Variants in GBF1 observed in about 807,000 individuals in gnomAD.
GBF1 encodes the protein golgi brefeldin A resistant guanine nucleotide exchange factor 1, also known as Golgi-specific brefeldin A-resistance guanine nucleotide exchange factor 1.
A neutral mutation model predicts 210.5 loss-of-function variants in GBF1; 114 were observed. The observed-to-expected ratio is 0.54, with a 90% CI of 0.47 to 0.63. GBF1 has a LOEUF of 0.63. GBF1 is among the 30% of genes least tolerant of loss of function. The pLI, the probability that GBF1 is intolerant of heterozygous loss-of-function variation, is 0.00. For synonymous variants in GBF1, 850 were observed against 889.2 expected (o/e 0.96, Z 0.78); for missense variants, 1,851 against 2,357.7 (o/e 0.79, Z 4.45).
rs181642412 is a variant in GBF1, at chr10:102,316,802, C to A, written c.164-27249C>A. ...TCTGTAAGCAAGACTTTGGATTATT[C>A]TTCTTTGTATATCCAATGGCTAGCA... On this transcript the variant is annotated intron_variant, in intron 3 of 39. Coordinates refer to ENST00000369983, the MANE Select transcript of GBF1 (RefSeq NM_001377137.1). Among the ~76,000 whole-genome samples, 101 of 152,282 alleles carry A rather than the reference C, an allele frequency of 6.6e-4. No individual in the cohort carries two copies. The South Asian group carries it at 7.1e-3, about 11-fold the overall frequency.
intron 14 of GBF1, among the ~76,000 whole-genome samples, chr10:102,362,144 C>T (rs566557490): frequency 6.7e-6 from 1 of 149,816 alleles, no homozygotes; most frequent in East Asian, 2.0e-4. Context: ...GCAAGCTCCA[C>T]CTCCCGGGTT....
intron 3 of GBF1, among the ~76,000 whole-genome samples, chr10:102,283,954 A>G (rs2075729795): frequency 1.3e-5 from 2 of 152,238 alleles, no homozygotes; most frequent in Admixed American, 1.3e-4. Flanking sequence ...AAAGAAGCTT[A>G]GGTTCAGTGA....
intron 3 of GBF1, among the ~76,000 whole-genome samples, chr10:102,335,837 C>T (rs1475192670): frequency 2.0e-5 from 3 of 152,164 alleles, no homozygotes; most frequent in African/African-American, 7.2e-5. Flanking sequence ...CCTGTTCTTT[C>T]TCTGATACCT....
upstream of GBF1, among the ~76,000 whole-genome samples, chr10:102,244,473 A>G (rs917701904): frequency 3.9e-4 from 59 of 152,170 alleles, no homozygotes; most frequent in African/African-American, 1.4e-3. Context: ...GTAATTCTAA[A>G]TAGCTTAGTA....
chr10:102,380,226 T>G, intron 36 of GBF1, 23 bp from the exon 37 acceptor site: 1 of 1,520,162 alleles, frequency 6.6e-7, no homozygotes, highest in Non-Finnish European at 9.1e-7. Flanking sequence ...TCCCCTCAGC[T>G]GAAGGGGGCT....
intron 21 of GBF1, among the ~76,000 whole-genome samples, chr10:102,367,779 G>A (rs1256597934): frequency 6.6e-6 from 1 of 152,142 alleles, no homozygotes; most frequent in Non-Finnish European, 1.5e-5. Flanking sequence ...CCAAAGTGCT[G>A]CTCTTAAGTA....
intron 3 of GBF1, among the ~76,000 whole-genome samples, chr10:102,305,519 A>G (rs1385291253): frequency 6.6e-6 from 1 of 152,128 alleles, no homozygotes; most frequent in Non-Finnish European, 1.5e-5. Context: ...CTGAGGCAGG[A>G]GAATCACTTG....
chr10:102,232,813 T>C, the GBF1 span, among the ~76,000 whole-genome samples: 1 of 152,242 alleles, frequency 6.6e-6, no homozygotes, highest in Admixed American at 6.5e-5. Flanking sequence ...CAGCCAATCA[T>C]ACCTGAGACA....
In GBF1 at chr10:102,367,571, A is replaced by T. The variant is rs752236056; in HGVS notation, c.2642+11A>T. 1 of 1,392,080 alleles carries T rather than the reference A, an allele frequency of 7.2e-7. No homozygotes were observed. The highest frequency in any genetic ancestry group is 1.7e-5 in the Admixed American group (1 of 59,790). 86.2% of individuals were successfully genotyped at this position (1,392,080 alleles called of 1,614,324 possible). On this transcript the variant is annotated intron_variant, in intron 21 of 39. Transcript: ENST00000369983. ...GTACCATGCCATCAAGTGAGTATACATAGAGAATAGTGCAGTATCTCTGTT... is the reference window on the plus strand; with the variant it reads ...GTACCATGCCATCAAGTGAGTATACTTAGAGAATAGTGCAGTATCTCTGTT...
At chr10:102,341,898 C>A (rs745327431) in intron 3 of GBF1, among the ~76,000 whole-genome samples, 1 of 152,016 alleles carries the variant, frequency 6.6e-6, no homozygotes, top group Non-Finnish European at 1.5e-5. Context: ...TGTACCTGTC[C>A]CGATTCTCAA....
At chr10:102,304,687 T>C (rs2077684111) in intron 3 of GBF1, among the ~76,000 whole-genome samples, 1 of 151,866 alleles carries the variant, frequency 6.6e-6, no homozygotes, top group South Asian at 2.1e-4. Flanking sequence ...GGCAGGAGAA[T>C]TGCTTGAACC....
Position 102,382,536 on chromosome 10 carries a change from C to A in GBF1, c.*200C>A. 1 of 535,308 alleles carries A rather than the reference C, an allele frequency of 1.9e-6. No individual in the cohort carries two copies. 33.2% of individuals were successfully genotyped at this position (535,308 alleles called of 1,614,324 possible). On this transcript the variant is annotated 3_prime_UTR_variant, in exon 40 of 40. Transcript: ENST00000369983. Reference sequence around the variant, plus strand: ...GCTGTGGGACCTTTTTCCTCCTCTGCGCTCCATTCCTGGGGGTTCAGCCTG... The same window carrying A: ...GCTGTGGGACCTTTTTCCTCCTCTGAGCTCCATTCCTGGGGGTTCAGCCTG...
At chr10:102,281,011 A>C (rs2133451435) in intron 3 of GBF1, among the ~76,000 whole-genome samples, 1 of 152,140 alleles carries the variant, frequency 6.6e-6, no homozygotes, top group East Asian at 1.9e-4. Context: ...GGATGGGTAC[A>C]CTTGCTGAAT....
intron 26 of GBF1, 34 bp downstream of exon 26, chr10:102,370,018 A>C: frequency 3.1e-6 from 5 of 1,611,686 alleles, no homozygotes; most frequent in Non-Finnish European, 3.4e-6. Context: ...GAGAAAGCCT[A>C]AACACCTTCC....
chr10:102,369,140 G>T, intron 23 of GBF1, 71 bp from the exon 24 acceptor site: 1 of 1,127,780 alleles, frequency 8.9e-7, no homozygotes, highest in South Asian at 1.4e-5. Flanking sequence ...ACCATCATAG[G>T]CAGAGACCTA....
rs759400579 is a variant in GBF1 at position 102,359,275 on chromosome 10, G to T, written c.1020G>T (p.Gly340=). ...CCTGCTACTGGTCATAGCAGGAAGG[G>T]ACCCATGTGGAAAAGTCCCAGTCAG... The part of the protein sequence containing the change: ...VPEQPDLQQE[G]THVEKSQSAS... Residue 340 remains glycine, a synonymous_variant, in exon 11 of 40, where the codon GGG becomes GGT. Transcript: ENST00000369983. 2.5e-6 allele frequency: 4 copies of T among 1,610,934 alleles called. No homozygotes were observed. The highest frequency in any genetic ancestry group is 3.4e-6 in the Non-Finnish European group (4 of 1,177,126).
chr10:102,262,815 C>T (rs143956472), intron 3 of GBF1, among the ~76,000 whole-genome samples: 4 of 152,308 alleles, frequency 2.6e-5, no homozygotes, highest in Admixed American at 6.5e-5. Context: ...GATTTCCTTA[C>T]GTCCTTGGGT....
At chr10:102,231,196 C>T in the GBF1 span, 4 of 1,244,530 alleles carry the variant, frequency 3.2e-6, no homozygotes, top group Non-Finnish European at 3.2e-6. Flanking sequence ...CGGGGCCCTG[C>T]GGTCAATAAA....
chr10:102,258,954 A>G lies in GBF1; in HGVS notation c.16A>G (p.Ile6Val), dbSNP rs759403309. 8 of 1,597,050 alleles carry G rather than the reference A, an allele frequency of 5.0e-6. No individual in the cohort carries two copies. The South Asian group carries it at 5.5e-5, about 11-fold the overall frequency. Residue 6 changes from isoleucine to valine, a missense_variant, in exon 2 of 40, where the codon ATT becomes GTT. Physicochemically the swap from Ile to Val is conservative, Grantham distance 29 (BLOSUM62 3). This residue lies in a region of GBF1 where 804 missense variants were observed against 958.6 expected (regional missense o/e 0.84). Transcript: ENST00000369983. MVDKN[I>V]YIIQGEINIV... ...GTTTGCCAAGATGGTGGATAAGAAT[A>G]TTTACATCATTCAAGGGGAGATTAA...
Sources: gnomAD v4.1 joint callset for allele counts (sites outside exome capture counted in the v4.1 genomes callset) on GRCh38, gnomAD v4.1.1 for gene constraint, gnomAD v4.1.1 regional missense constraint, MANE v1.5 for transcripts, NCBI Gene and HGNC (gene_info 2026-07-23, HGNC 2026-07-21) for gene names.